The following HYAL4 variants were observed in gnomAD, a reference collection of about 807,000 sequenced individuals.
HYAL4 encodes the protein hyaluronidase 4.
Under a neutral mutation model 35.2 loss-of-function variants are expected in HYAL4, and 37 were observed. The ratio of observed to expected loss-of-function variants is 1.05; its 90% CI spans 0.81 to 1.38. HYAL4 has a LOEUF of 1.38. Among genes scored for constraint, HYAL4 ranks in the 40% most tolerant of loss-of-function variants. HYAL4 has a pLI of 0.00. For missense variants in HYAL4, 572 were observed against 572.4 expected (o/e 1.00, Z 0.01); for synonymous variants, 198 against 203.2 (o/e 0.97, Z 0.22).
rs967301758 is a variant in HYAL4, at chr7:123,868,821, T to C, written c.548T>C (p.Ile183Thr). 35 of 1,614,048 alleles carry C rather than the reference T, an allele frequency of 2.2e-5. No homozygotes were observed. Among genetic ancestry groups the C allele is most frequent in the Non-Finnish European group, 2.8e-5 (33 of 1,180,034 alleles). ...DMGKNVSATD[I>T]EYLAKVTFEE... ...GGAAAGAATGTATCAGCTACCGATA[T>C]TGAATATTTAGCCAAAGTGACCTTT... The change falls in exon 3 of 5, where the codon ATT becomes ACT. Residue 183 changes from isoleucine (I) to threonine (T), a missense_variant. Coordinates refer to ENST00000223026, the MANE Select transcript of HYAL4 (RefSeq NM_012269.3).
At chr7:123,804,118 C>A in the HYAL4 span, among the ~76,000 whole-genome samples, 1 of 152,210 alleles carries the variant, frequency 6.6e-6, no homozygotes, top group Non-Finnish European at 1.5e-5. Context: ...CCCTCTCTAA[C>A]AAAGCTGATT....
At chr7:123,792,339 G>A in the HYAL4 span, among the ~76,000 whole-genome samples, 1 of 152,180 alleles carries the variant, frequency 6.6e-6, no homozygotes, top group Non-Finnish European at 1.5e-5. Context: ...GGAAGTAAGA[G>A]CCTGGCTTTT....
intron 2 of HYAL4, among the ~76,000 whole-genome samples, chr7:123,863,541 T>C (rs764000252): frequency 5.9e-5 from 9 of 152,158 alleles, no homozygotes; most frequent in Non-Finnish European, 1.0e-4. Context: ...AGGCAGGGAT[T>C]TTCTCTAGAT....
At chr7:123,844,704 G>T (rs1386956508), upstream of HYAL4, among the ~76,000 whole-genome samples, 1 of 152,116 alleles carries the variant, frequency 6.6e-6, no homozygotes, top group Non-Finnish European at 1.5e-5. Flanking sequence ...GAGTTTCCTA[G>T]CTGCTTTGTT....
intron 2 of HYAL4, among the ~76,000 whole-genome samples, chr7:123,848,630 G>A (rs1806226881): frequency 1.3e-5 from 2 of 152,184 alleles, no homozygotes; most frequent in African/African-American, 2.4e-5. Context: ...TAGATGTAAA[G>A]CACTCCTCAA....
the HYAL4 span, among the ~76,000 whole-genome samples, chr7:123,768,600 G>T: frequency 6.6e-6 from 1 of 152,186 alleles, no homozygotes; most frequent in Non-Finnish European, 1.5e-5. Context: ...CTGTACATCT[G>T]CACCAACCTT....
At chr7:123,813,669 TAC>T in the HYAL4 span, among the ~76,000 whole-genome samples, 2 of 152,236 alleles carry the variant, frequency 1.3e-5, no homozygotes, top group Non-Finnish European at 2.9e-5. Flanking sequence ...TTACTGTTAG[TAC>T]AGTTAGTTAT....
At chr7:123,855,877 G>T (rs1281649339) in intron 2 of HYAL4, among the ~76,000 whole-genome samples, 2 of 151,876 alleles carry the variant, frequency 1.3e-5, no homozygotes, top group Non-Finnish European at 2.9e-5. Flanking sequence ...TCCCATATTT[G>T]TTGGAGGCTT....
chr7:123,801,608 G>C, the HYAL4 span, among the ~76,000 whole-genome samples: 1 of 152,174 alleles, frequency 6.6e-6, no homozygotes, highest in South Asian at 2.1e-4. Flanking sequence ...AAAAAATAAG[G>C]TAAGTAAATG....
chr7:123,779,059 A>G, the HYAL4 span, among the ~76,000 whole-genome samples: 1 of 152,184 alleles, frequency 6.6e-6, no homozygotes, highest in Non-Finnish European at 1.5e-5. Flanking sequence ...TTACATACAA[A>G]TATGTTACCC....
At chr7:123,769,566 GCT>G in the HYAL4 span, among the ~76,000 whole-genome samples, 2 of 152,094 alleles carry the variant, frequency 1.3e-5, no homozygotes, top group Non-Finnish European at 2.9e-5. Flanking sequence ...GACTGAGGTG[GCT>G]CTCTGCAATT....
the HYAL4 span, among the ~76,000 whole-genome samples, chr7:123,805,986 C>T: frequency 6.6e-6 from 1 of 151,802 alleles, no homozygotes; most frequent in African/African-American, 2.4e-5. Context: ...AACAGGGAGA[C>T]TCCGTCCGAA....
chr7:123,810,806 CT>C, the HYAL4 span, among the ~76,000 whole-genome samples: 25 of 152,230 alleles, frequency 1.6e-4, no homozygotes, highest in Non-Finnish European at 3.2e-4. Flanking sequence ...TCCAAATCCA[CT>C]GTGTTCCACC....
chr7:123,854,309 G>A (rs541840253), intron 2 of HYAL4, among the ~76,000 whole-genome samples: 2 of 152,204 alleles, frequency 1.3e-5, no homozygotes, highest in African/African-American at 4.8e-5. Context: ...TTTTAATTGT[G>A]ATGTTAGGGT....
At chr7:123,832,775 G>A (rs1213521836) in intron 1 of HYAL4, among the ~76,000 whole-genome samples, 4 of 151,854 alleles carry the variant, frequency 2.6e-5, no homozygotes, top group East Asian at 3.9e-4. Context: ...GTGAGCCACC[G>A]CGCCCAGCCT....
chr7:123,801,180 A>G, the HYAL4 span, among the ~76,000 whole-genome samples: 1 of 152,138 alleles, frequency 6.6e-6, no homozygotes. Flanking sequence ...GCCAATGAGA[A>G]TATGGTCAAT....
chr7:123,788,031 T>C, the HYAL4 span, among the ~76,000 whole-genome samples: 1 of 152,136 alleles, frequency 6.6e-6, no homozygotes, highest in Non-Finnish European at 1.5e-5. Flanking sequence ...AAATATTGGC[T>C]CAGTGGCCAG....
chr7:123,831,862 A>G (rs1402114038), intron 1 of HYAL4, among the ~76,000 whole-genome samples: 1 of 152,246 alleles, frequency 6.6e-6, no homozygotes, highest in Non-Finnish European at 1.5e-5. Flanking sequence ...GAAACCAGGC[A>G]GGTTAGTAGA....
At chr7:123,823,111 T>A in the HYAL4 span, among the ~76,000 whole-genome samples, 1 of 152,200 alleles carries the variant, frequency 6.6e-6, no homozygotes, top group African/African-American at 2.4e-5. Context: ...CTTTGTATGT[T>A]ATGGCACATT....
Sources: allele counts gnomAD v4.1 joint callset (sites outside exome capture counted in the v4.1 genomes callset), GRCh38; gene constraint gnomAD v4.1.1; transcripts MANE v1.5; gene names NCBI Gene and HGNC (gene_info 2026-07-23, HGNC 2026-07-21).